The following NOSTRIN variants were observed in gnomAD, a reference collection of about 807,000 sequenced individuals.
NOSTRIN encodes the protein BM247 homolog.
Under a neutral mutation model 59.0 loss-of-function variants are expected in NOSTRIN, and 63 were observed. That is an observed-to-expected ratio of 1.07 (90% CI 0.87 to 1.32). The LOEUF is 1.32. NOSTRIN is among the 40% of genes most tolerant of loss of function. The pLI is 0.00. For synonymous variants in NOSTRIN, 200 were observed against 165.4 expected, an observed-to-expected ratio of 1.21 and a Z score of -1.61; for missense variants, 512 against 473.1, an observed-to-expected ratio of 1.08 and a Z score of -0.76.
At chr2:168,863,111 G>T (rs1191006831) in intron 15 of NOSTRIN, among the ~76,000 whole-genome samples, 2 of 152,060 alleles carry the variant, frequency 1.3e-5, no homozygotes, top group East Asian at 3.8e-4. Flanking sequence ...TGATTATCTT[G>T]TTTTCAGTTC....
At chr2:168,809,028 G>A (rs1686009023) in intron 1 of NOSTRIN, among the ~76,000 whole-genome samples, 1 of 152,142 alleles carries the variant, frequency 6.6e-6, no homozygotes, top group Admixed American at 6.5e-5. Context: ...ACATAAAAGT[G>A]TTTCATAATT....
At chr2:168,792,217 G>A (rs530243233) in intron 2 of NOSTRIN, among the ~76,000 whole-genome samples, 46 of 152,134 alleles carry the variant, frequency 3.0e-4, no homozygotes, top group Non-Finnish European at 6.5e-4. Flanking sequence ...ATCTCTAGAT[G>A]CAAAATGTTT....
intron 15 of NOSTRIN, chr2:168,863,393 G>GAA (rs1689605885): frequency 3.0e-6 from 3 of 983,972 alleles, no homozygotes; most frequent in South Asian, 9.4e-5. Context: ...AGTTGCTGAG[G>GAA]AAAAGAGTGA....
At chr2:168,833,409 C>T (rs1687483272) in intron 6 of NOSTRIN, among the ~76,000 whole-genome samples, 2 of 152,172 alleles carry the variant, frequency 1.3e-5, no homozygotes, top group African/African-American at 4.8e-5. Flanking sequence ...GCTAAAAAGC[C>T]AAGGAAGAGA....
rs143436068 is a variant in NOSTRIN, at chr2:168,851,267, T to C, written c.730-12T>C. 5.9e-4 allele frequency: 950 copies of C among 1,613,800 alleles called. 2 individuals carry two copies. The African/African-American group carries it at 0.012, about 20-fold the overall frequency. ...CTTCGACAACCTTATTCTGTTCCCC[T>C]TGGCATTGCAGTGCCACACGCAGAT... On this transcript the variant is annotated splice_polypyrimidine_tract_variant and intron_variant, in intron 9 of 15. Transcript: ENST00000317647.
intron 2 of NOSTRIN, among the ~76,000 whole-genome samples, chr2:168,823,217 T>C (rs150378259): frequency 0.015 from 2,271 of 152,006 alleles, 65 homozygotes; most frequent in African/African-American, 0.052. Flanking sequence ...GGGGTTTCAC[T>C]GTGTTAGCCA....
At chr2:168,863,887 AGG>A (rs2105806766) in intron 15 of NOSTRIN, among the ~76,000 whole-genome samples, 1 of 152,232 alleles carries the variant, frequency 6.6e-6, no homozygotes, top group East Asian at 1.9e-4. Context: ...AGGCAGCATA[AGG>A]ATATATGATC....
At chr2:168,856,942 T>G (rs1412110053) in intron 12 of NOSTRIN, among the ~76,000 whole-genome samples, 164 bp downstream of exon 12, 1 of 152,210 alleles carries the variant, frequency 6.6e-6, no homozygotes, top group Non-Finnish European at 1.5e-5. Context: ...ATTTGAGGGA[T>G]CTGGAAAAAT....
Position 168,865,429 on chromosome 2 carries a change from AAG to A in NOSTRIN, c.*465_*466del, listed in dbSNP as rs941699342. On this transcript the variant is annotated 3_prime_UTR_variant, in exon 16 of 16. Transcript: ENST00000317647. ...ATGAGGAACACAGATCAATTCCAAG[AAG>A]AGAGACAGGCAATCAAGACACCAAT... 1.9e-5 allele frequency: 3 copies of A among 154,948 alleles called. No homozygotes were observed. The highest frequency in any genetic ancestry group is 7.2e-5 in the African/African-American group (3 of 41,566). 9.6% of individuals were successfully genotyped at this position (154,948 alleles called of 1,614,324 possible). A position where few individuals can be genotyped will look rare whatever the true frequency, so the allele number is the denominator to read the frequency against.
chr2:168,798,956 C>A (rs1685552413), upstream of NOSTRIN, among the ~76,000 whole-genome samples: 1 of 152,102 alleles, frequency 6.6e-6, no homozygotes, highest in Non-Finnish European at 1.5e-5. Flanking sequence ...TCTTGCTCTG[C>A]CTCCTTGAAC....
intron 2 of NOSTRIN, among the ~76,000 whole-genome samples, chr2:168,821,241 G>T (rs1226114104): frequency 6.6e-6 from 1 of 152,180 alleles, no homozygotes; most frequent in Non-Finnish European, 1.5e-5. Flanking sequence ...GACTCAGAAG[G>T]GTTTATGTGT....
At chr2:168,788,064 A>G (rs1439730100) in intron 2 of NOSTRIN, 1 of 152,072 alleles carries the variant, frequency 6.6e-6, no homozygotes, top group Non-Finnish European at 1.5e-5. Context: ...TGATAAGAAA[A>G]AAAAAATGAT....
chr2:168,860,995 T>C, intron 14 of NOSTRIN, 86 bp downstream of exon 14: 1 of 822,956 alleles, frequency 1.2e-6, no homozygotes, highest in Non-Finnish European at 2.1e-6. Context: ...AGAGCCACTT[T>C]GACCTGTATC....
At chr2:168,828,702 G>T (rs976865565) in intron 5 of NOSTRIN, among the ~76,000 whole-genome samples, 2 of 152,108 alleles carry the variant, frequency 1.3e-5, no homozygotes, top group African/African-American at 4.8e-5. Flanking sequence ...GTTTGTTAGA[G>T]CATTGCTTAT....
Position 168,856,792 on chromosome 2 carries a change from G to A in NOSTRIN, c.1053+14G>A, listed in dbSNP as rs546473216. ...TTAATGGATGAGGTAAATGTTTGCC[G>A]AGTGCATTTCCTAGATGTAGTGATG... On this transcript the variant is annotated intron_variant, in intron 12 of 15. Transcript: ENST00000317647. The A allele has an allele frequency of 6.8e-6, 11 of 1,610,414 alleles. No homozygotes were observed. Among genetic ancestry groups the A allele is most frequent in the South Asian group, 4.4e-5 (4 of 90,992 alleles).
At chr2:168,790,266 C>G (rs951530915) in intron 2 of NOSTRIN, among the ~76,000 whole-genome samples, 4 of 152,086 alleles carry the variant, frequency 2.6e-5, no homozygotes, top group African/African-American at 9.7e-5. Context: ...AAATGGGAAA[C>G]TATGAGTTCA....
At chr2:168,798,947 C>T (rs1488867871), upstream of NOSTRIN, among the ~76,000 whole-genome samples, 4 of 152,132 alleles carry the variant, frequency 2.6e-5, no homozygotes, top group Non-Finnish European at 5.9e-5. Flanking sequence ...GGGCTCAAGT[C>T]TTGCTCTGCC....
intron 2 of NOSTRIN, among the ~76,000 whole-genome samples, chr2:168,813,123 T>C (rs1007710094): frequency 6.6e-6 from 1 of 152,200 alleles, no homozygotes; most frequent in Non-Finnish European, 1.5e-5. Context: ...TAAGAAAATA[T>C]TGTTATCAGT....
intron 2 of NOSTRIN, among the ~76,000 whole-genome samples, chr2:168,813,488 A>G (rs1484504627): frequency 1.3e-5 from 2 of 152,144 alleles, no homozygotes; most frequent in African/African-American, 2.4e-5. Flanking sequence ...TGCCACCGAC[A>G]TCTACTTTCT....
Sources: allele counts gnomAD v4.1 joint callset (sites outside exome capture counted in the v4.1 genomes callset), GRCh38; gene constraint gnomAD v4.1.1; transcripts MANE v1.5; gene names NCBI Gene and HGNC (gene_info 2026-07-23, HGNC 2026-07-21).